Variants in SPTLC1 observed in about 807,000 individuals in gnomAD.
SPTLC1 encodes serine palmitoyltransferase 1.
A neutral mutation model predicts 68.9 loss-of-function variants in SPTLC1; 55 were observed. The observed-to-expected ratio is 0.80, with a 90% CI of 0.64 to 1.00. The LOEUF (loss-of-function observed/expected upper bound fraction) is 1.00. Among genes scored for constraint, SPTLC1 ranks in the 50% least tolerant of loss-of-function variants. SPTLC1 has a pLI of 0.00. For synonymous variants in SPTLC1, 197 were observed against 201.6 expected (o/e 0.98, Z 0.19); for missense variants, 449 against 573.1 (o/e 0.78, Z 2.21).
At chr9:92,098,041 T>C (rs572438871) in intron 3 of SPTLC1, among the ~76,000 whole-genome samples, 8 of 152,176 alleles carry the variant, frequency 5.3e-5, no homozygotes, top group Non-Finnish European at 1.2e-4. Flanking sequence ...TGGACTCCGG[T>C]GAAGACTCCA....
intron 5 of SPTLC1, among the ~76,000 whole-genome samples, chr9:92,068,530 C>A (rs1466423987): frequency 6.6e-6 from 1 of 152,192 alleles, no homozygotes; most frequent in East Asian, 1.9e-4. Context: ...GTGACACTTA[C>A]TAGAACTCCA....
At chr9:92,100,399 G>T (rs952128831) in intron 3 of SPTLC1, among the ~76,000 whole-genome samples, 5 of 152,160 alleles carry the variant, frequency 3.3e-5, no homozygotes, top group African/African-American at 1.2e-4. Flanking sequence ...CCATCCCAGG[G>T]GCTACCCTGT....
chr9:92,083,964 G>T (rs546158227), intron 3 of SPTLC1, among the ~76,000 whole-genome samples: 1 of 152,292 alleles, frequency 6.6e-6, no homozygotes, highest in South Asian at 2.1e-4. Context: ...CATGTCCCTT[G>T]TAAGTTGGAT....
rs564233292 is a variant in SPTLC1 at position 92,056,301 on chromosome 9, C to T, written c.691-807G>A. Among the ~76,000 whole-genome samples, 501 of 152,310 alleles carry T rather than the reference C, an allele frequency of 3.3e-3. 1 individual carries two copies. The highest frequency in any genetic ancestry group is 5.8e-3 in the Non-Finnish European group (393 of 68,036). On this transcript the variant is annotated intron_variant, in intron 7 of 14. Coordinates refer to ENST00000262554, the MANE Select transcript of SPTLC1 (RefSeq NM_006415.4). ...TGGGAGTGCAGTGGCGCCATCTCTG[C>T]TCGCTGCAACCTCCGCCTCCAGGGT...
rs957149534 is a variant in SPTLC1 at position 92,107,214 on chromosome 9, C to T, written c.260+1526G>A. Among the ~76,000 whole-genome samples, 3 of 152,080 alleles carry T rather than the reference C, an allele frequency of 2.0e-5. No individual in the cohort carries two copies. The South Asian group carries it at 6.2e-4, about 32-fold the overall frequency. ...ACGTTTATTATAAAGCTGTGGTATA[C>T]ATGAATGAGTCTCTGGTATAAGGAG... On this transcript the variant is annotated intron_variant, in intron 3 of 14. Coordinates refer to ENST00000262554, the MANE Select transcript of SPTLC1 (RefSeq NM_006415.4).
intron 6 of SPTLC1, among the ~76,000 whole-genome samples, chr9:92,060,672 C>T (rs1834060198): frequency 6.6e-6 from 1 of 151,244 alleles, no homozygotes. Flanking sequence ...TTTGGGAGGC[C>T]AAGGCGGGTG....
At chr9:92,065,897 T>A (rs1230262543) in intron 6 of SPTLC1, among the ~76,000 whole-genome samples, 1 of 151,976 alleles carries the variant, frequency 6.6e-6, no homozygotes, top group Non-Finnish European at 1.5e-5. Flanking sequence ...CCAGGTAGAG[T>A]CAGCTCTGTA....
Position 92,080,101 on chromosome 9 carries a change from A to G in SPTLC1, c.355-13T>C, listed in dbSNP as rs780686813. The G allele has an allele frequency of 1.2e-5, 19 of 1,604,700 alleles. No homozygotes were observed. The highest frequency in any genetic ancestry group is 1.6e-5 in the Non-Finnish European group (19 of 1,172,402). ...CTAAAGCTGCTGCCTTTATTGAAGTACAAGAATTATACTTTAATAATTTAT... is the reference window on the plus strand; with the variant it reads ...CTAAAGCTGCTGCCTTTATTGAAGTGCAAGAATTATACTTTAATAATTTAT... On this transcript the variant is annotated splice_polypyrimidine_tract_variant and intron_variant, in intron 4 of 14. Coordinates refer to ENST00000262554, the MANE Select transcript of SPTLC1 (RefSeq NM_006415.4).
intron 6 of SPTLC1, among the ~76,000 whole-genome samples, chr9:92,061,685 G>A (rs1041132887): frequency 6.6e-6 from 1 of 152,144 alleles, no homozygotes; most frequent in Non-Finnish European, 1.5e-5. Flanking sequence ...CTCACTGTAT[G>A]TACAGGAAAT....
In SPTLC1 at chr9:92,077,059, G is replaced by A. The variant is rs1480573107; in HGVS notation, c.427+2957C>T. ...CTCTGGAAAAGTAGAAAAAGCCAAGGACCTTTTAAAAACACACCTTACTAA... is the reference window on the plus strand; with the variant it reads ...CTCTGGAAAAGTAGAAAAAGCCAAGAACCTTTTAAAAACACACCTTACTAA... On this transcript the variant is annotated intron_variant, in intron 5 of 14. Coordinates refer to ENST00000262554, the MANE Select transcript of SPTLC1 (RefSeq NM_006415.4). 3.9e-5 allele frequency: 6 copies of A among 151,980 alleles called. No homozygotes were observed. In the East Asian group the frequency reaches 7.7e-4, roughly 20 times the overall value. 9.4% of individuals were successfully genotyped at this position (151,980 alleles called of 1,614,324 possible).
At chr9:92,058,469 T>A (rs2118528437) in intron 7 of SPTLC1, among the ~76,000 whole-genome samples, 1 of 152,368 alleles carries the variant, frequency 6.6e-6, no homozygotes, top group African/African-American at 2.4e-5. Context: ...AGACCTGAGC[T>A]ACTTTACTTA....
At chr9:92,084,400 T>C (rs1475996011) in intron 3 of SPTLC1, among the ~76,000 whole-genome samples, 1 of 152,240 alleles carries the variant, frequency 6.6e-6, no homozygotes, top group Middle Eastern at 3.2e-3. Flanking sequence ...GCTCTTATTA[T>C]TTTGAGATAC....
At chr9:92,108,269 G>A (rs1836079537) in intron 3 of SPTLC1, 1 of 167,390 alleles carries the variant, frequency 6.0e-6, no homozygotes, top group Non-Finnish European at 1.3e-5. Flanking sequence ...TGAGACACTG[G>A]AAGCAAGGAG....
intron 3 of SPTLC1, among the ~76,000 whole-genome samples, chr9:92,091,641 G>A (rs1175948904): frequency 6.6e-6 from 1 of 152,158 alleles, no homozygotes; most frequent in Non-Finnish European, 1.5e-5. Flanking sequence ...AATTGGCCAA[G>A]AAACTCTTTT....
At chr9:92,079,554 C>G in intron 5 of SPTLC1, 1 of 1,613,480 alleles carries the variant, frequency 6.2e-7, no homozygotes, top group Non-Finnish European at 8.5e-7. Flanking sequence ...ATCAATGATC[C>G]TTCATCTTCA....
At chr9:92,098,361 C>T (rs1395484650) in intron 3 of SPTLC1, among the ~76,000 whole-genome samples, 1 of 152,042 alleles carries the variant, frequency 6.6e-6, no homozygotes. Flanking sequence ...TTTGGCACAG[C>T]GCGACTTCCC....
chr9:92,049,674 C>T (rs1229119942), intron 9 of SPTLC1, among the ~76,000 whole-genome samples: 3 of 152,124 alleles, frequency 2.0e-5, no homozygotes, highest in African/African-American at 7.2e-5. Flanking sequence ...AAAATTTAAC[C>T]ATTTCTAGAG....
At chr9:92,060,837 C>T (rs139694221) in intron 6 of SPTLC1, among the ~76,000 whole-genome samples, 1,522 of 149,920 alleles carry the variant, frequency 0.01, 29 homozygotes, top group African/African-American at 0.035. Flanking sequence ...GGTGTGAACC[C>T]GAGAGGCGGA....
Position 92,031,451 on chromosome 9 carries a change from A to G in SPTLC1, c.*1014T>C, listed in dbSNP as rs1832963279. The G allele has an allele frequency of 6.6e-6, 1 of 152,268 alleles. No homozygotes were observed. 9.4% of individuals were successfully genotyped at this position (152,268 alleles called of 1,614,324 possible). A position where few individuals can be genotyped will look rare whatever the true frequency, so the allele number is the denominator to read the frequency against. On this transcript the variant is annotated 3_prime_UTR_variant, in exon 15 of 15. Coordinates refer to ENST00000262554, the MANE Select transcript of SPTLC1 (RefSeq NM_006415.4). ...CACGTATAACAAACCTTTACACCAC[A>G]TAACCTGGTTTGCTAAAGAAAAAAC...
Sources: allele counts gnomAD v4.1 joint callset (sites outside exome capture counted in the v4.1 genomes callset), GRCh38; gene constraint gnomAD v4.1.1; transcripts MANE v1.5; gene names NCBI Gene and HGNC (gene_info 2026-07-23, HGNC 2026-07-21).